Variants in VDAC3 observed in about 807,000 individuals in gnomAD.
VDAC3 encodes voltage dependent anion channel 3, also known as non-selective voltage-gated ion channel VDAC3.
In VDAC3, 7 loss-of-function variants were observed where a neutral mutation model predicts 33.9. The ratio of observed to expected loss-of-function variants is 0.21; its 90% CI spans 0.12 to 0.39. The LOEUF (loss-of-function observed/expected upper bound fraction) is 0.39, where lower values mean the gene tolerates loss of function less well. Ranked by LOEUF, VDAC3 falls within the 10% of genes least tolerant of loss-of-function variation. VDAC3 has a pLI of 1.00. For synonymous variants in VDAC3, 100 were observed against 122.4 expected (o/e 0.82, Z 1.21); for missense variants, 261 against 334.5 (o/e 0.78, Z 1.71).
chr8:42,392,981 C>T (rs1824896112), intron 1 of VDAC3, among the ~76,000 whole-genome samples: 1 of 152,170 alleles, frequency 6.6e-6, no homozygotes, highest in Non-Finnish European at 1.5e-5. Context: ...AATAATCGTT[C>T]TGTAAGTGAA....
intron 2 of VDAC3, 115 bp from the exon 3 acceptor site, chr8:42,394,095 A>C: frequency 1.1e-6 from 1 of 887,098 alleles, no homozygotes; most frequent in Non-Finnish European, 1.9e-6. Context: ...CATTAATGAT[A>C]CACAGGAAGA....
rs192832230 is a variant in VDAC3, at chr8:42,402,136, G to A, written c.551+121G>A. ...TGCCTTGGTGAATATCCATCCTTGC[G>A]GTGCTATCCTCATAGCAAAACCTTG... is the stretch of plus-strand genomic sequence containing the variant. On this transcript the variant is annotated intron_variant, in intron 7 of 9. Coordinates refer to ENST00000022615, the MANE Select transcript of VDAC3 (RefSeq NM_005662.7). 2.6e-4 allele frequency: 279 copies of A among 1,084,216 alleles called. No homozygotes were observed. The African/African-American group carries it at 3.3e-3, about 13-fold the overall frequency. The allele number at this position is 1,084,216 out of a possible 1,614,324, so 67.2% of individuals were successfully genotyped here. A position where few individuals can be genotyped will look rare whatever the true frequency, so the allele number is the denominator to read the frequency against.
intron 1 of VDAC3, among the ~76,000 whole-genome samples, chr8:42,393,429 A>G (rs1802245385): frequency 6.6e-6 from 1 of 152,218 alleles, no homozygotes; most frequent in Non-Finnish European, 1.5e-5. Flanking sequence ...TGCTGCAGAA[A>G]GATTTCCCAT....
intron 1 of VDAC3, among the ~76,000 whole-genome samples, chr8:42,392,556 T>G (rs1036579448): frequency 3.5e-4 from 53 of 152,336 alleles, no homozygotes; most frequent in African/African-American, 1.1e-3. Context: ...AGCAGTGCAT[T>G]TCCCATCAGA....
rs1251772501 is a variant in VDAC3, at chr8:42,395,288, A to G, written c.117+155A>G. Reference sequence around the variant, plus strand: ...TAAACAGCATTCTTAGCCAATTAAAATAAACAACCAAGTTGAATTTTTGAA... The same window carrying G: ...TAAACAGCATTCTTAGCCAATTAAAGTAAACAACCAAGTTGAATTTTTGAA... On this transcript the variant is annotated intron_variant, in intron 4 of 9. Transcript: ENST00000022615. 5.6e-6 allele frequency: 4 copies of G among 713,600 alleles called. No homozygotes were observed. The Admixed American group carries it at 2.5e-4, about 45-fold the overall frequency. 44.2% of individuals were successfully genotyped at this position (713,600 alleles called of 1,614,324 possible).
chr8:42,398,362 GACT>G (rs1009570390), intron 4 of VDAC3, among the ~76,000 whole-genome samples: 23 of 152,158 alleles, frequency 1.5e-4, no homozygotes, highest in African/African-American at 5.6e-4. Flanking sequence ...CTCAGGCTGG[GACT>G]ACAGTCACGT....
Position 42,405,585 on chromosome 8 carries a change from T to C in VDAC3, c.*123T>C. 1 of 809,544 alleles carries C rather than the reference T, an allele frequency of 1.2e-6. No individual in the cohort carries two copies. The highest frequency in any genetic ancestry group is 1.7e-5 in the South Asian group (1 of 58,254). 50.1% of individuals were successfully genotyped at this position (809,544 alleles called of 1,614,324 possible). On this transcript the variant is annotated 3_prime_UTR_variant, in exon 10 of 10. Transcript: ENST00000022615. ...GTGAACTTTTTATTCTTCCAAAGAA[T>C]TGTAATCCTCCCCACACTGAAGTCT...
rs557222479 is a variant in VDAC3, at chr8:42,404,952, G to C, written c.760+28G>C. On this transcript the variant is annotated intron_variant, in intron 9 of 9. Coordinates refer to ENST00000022615, the MANE Select transcript of VDAC3 (RefSeq NM_005662.7). ...AAGTAAAGGAATTAGTAACAGAGGG[G>C]TTGAGGTGGAAGGTGATAGAGAAAA... 1.2e-5 allele frequency: 19 copies of C among 1,602,058 alleles called. No homozygotes were observed. In the East Asian group the frequency reaches 4.0e-4, roughly 34 times the overall value.
Position 42,404,959 on chromosome 8 carries a change from T to G in VDAC3, c.760+35T>G, listed in dbSNP as rs773329554. On this transcript the variant is annotated intron_variant, in intron 9 of 9. Transcript: ENST00000022615. The stretch of plus-strand genomic sequence containing the variant: ...GGAATTAGTAACAGAGGGGTTGAGG[T>G]GGAAGGTGATAGAGAAAACAATGAA... 2.5e-6 allele frequency: 4 copies of G among 1,586,546 alleles called. No homozygotes were observed. In the South Asian group the frequency reaches 4.4e-5, roughly 18 times the overall value.
intron 8 of VDAC3, 68 bp downstream of exon 8, chr8:42,403,529 T>G (rs1802451744): frequency 6.9e-7 from 1 of 1,439,958 alleles, no homozygotes; most frequent in African/African-American, 1.4e-5. Flanking sequence ...AATGTTGTGA[T>G]ATGAGTGTAG....
At chr8:42,396,001 T>C (rs1252765971) in intron 4 of VDAC3, among the ~76,000 whole-genome samples, 1 of 149,560 alleles carries the variant, frequency 6.7e-6, no homozygotes. Flanking sequence ...CTCACGCCTG[T>C]GATCCCAGCA....
chr8:42,398,550 A>T (rs1220810021), intron 4 of VDAC3, among the ~76,000 whole-genome samples, 162 bp from the exon 5 acceptor site: 4 of 152,086 alleles, frequency 2.6e-5, no homozygotes, highest in Admixed American at 2.6e-4. Context: ...ATATTTAGGG[A>T]CTGGAAAAGC....
chr8:42,395,220 C>T lies in VDAC3; in HGVS notation c.117+87C>T. On this transcript the variant is annotated intron_variant, in intron 4 of 9. Coordinates refer to ENST00000022615, the MANE Select transcript of VDAC3 (RefSeq NM_005662.7). ...ATCATGACAGTCTAGTTACTTGAACCAGCACCATGCTGTCTTCCCCACAGC... is the reference window on the plus strand; with the variant it reads ...ATCATGACAGTCTAGTTACTTGAACTAGCACCATGCTGTCTTCCCCACAGC... 7.0e-6 allele frequency: 11 copies of T among 1,563,716 alleles called. No individual in the cohort carries two copies. In the South Asian group the frequency reaches 1.1e-4, roughly 16 times the overall value.
At chr8:42,399,759 G>A (rs1244804361) in intron 6 of VDAC3, 56 bp downstream of exon 6, 1 of 1,536,150 alleles carries the variant, frequency 6.5e-7, no homozygotes. Flanking sequence ...AGGGTAGAGA[G>A]CTTTAGAATA....
chr8:42,402,022 GTTTATAA>G lies in VDAC3; in HGVS notation c.551+13_551+19del. ...TCCAGCTGCACACACATGTGTGAGT[GTTTATAA>G]TTTATTCCTTAGTATCAGTGCAGTT... On this transcript the variant is annotated splice_region_variant and intron_variant, in intron 7 of 9. Coordinates refer to ENST00000022615, the MANE Select transcript of VDAC3 (RefSeq NM_005662.7). 6.2e-7 allele frequency: 1 copy of G among 1,613,502 alleles called. No individual in the cohort carries two copies. Among genetic ancestry groups the G allele is most frequent in the Non-Finnish European group, 8.5e-7 (1 of 1,179,526 alleles).
chr8:42,397,342 T>G, intron 4 of VDAC3: 1 of 152,252 alleles, frequency 6.6e-6, no homozygotes, highest in East Asian at 1.9e-4. Context: ...TCTGTGTGGT[T>G]TGATAAACAG....
rs1802420489 is a variant in VDAC3, at chr8:42,401,848, T to C, written c.384T>C (p.Asn128=). The part of the protein sequence containing the change: ...YKRDCFSVGS[N]VDIDFSGPTI... ...GGGATTGTTTTAGTGTTGGCAGTAA[T>C]GTTGATATAGATTTTTCTGGACCAA... Residue 128 remains asparagine, a synonymous_variant, in exon 7 of 10, where the codon AAT becomes AAC. Transcript: ENST00000022615. 6.2e-7 allele frequency: 1 copy of C among 1,614,072 alleles called. No homozygotes were observed. The highest frequency in any genetic ancestry group is 1.3e-5 in the African/African-American group (1 of 74,918).
chr8:42,398,744 T>A lies in VDAC3; in HGVS notation c.150T>A (p.Asp50Glu). 1 of 1,613,924 alleles carries A rather than the reference T, an allele frequency of 6.2e-7. No individual in the cohort carries two copies. Among genetic ancestry groups the A allele is most frequent in the Non-Finnish European group, 8.5e-7 (1 of 1,179,988 alleles). ...EFSTSGHAYT[D>E]TGKASGNLET... ...CTACTTCTGGTCATGCTTACACTGA[T>A]ACAGGGAAAGCATCAGGCAACCTAG... Residue 50 changes from aspartate to glutamate, a missense_variant, in exon 5 of 10, where the codon GAT (aspartate) becomes GAA (glutamate). Physicochemically the swap from Asp to Glu is conservative, Grantham distance 45. Coordinates refer to ENST00000022615, the MANE Select transcript of VDAC3 (RefSeq NM_005662.7).
rs890242772 is a variant in VDAC3, at chr8:42,393,839, A to T, written c.-42-6A>T. On this transcript the variant is annotated splice_region_variant and splice_polypyrimidine_tract_variant and intron_variant, in intron 1 of 9. Coordinates refer to ENST00000022615, the MANE Select transcript of VDAC3 (RefSeq NM_005662.7). ...CTTTAAAAATTTCCATTGTTGTCTT[A>T]TACAGGTCTTTGGTTTCATAAGAGC... 2.4e-6 allele frequency: 1 copy of T among 419,302 alleles called. No individual in the cohort carries two copies. Among genetic ancestry groups the T allele is most frequent in the Non-Finnish European group, 4.2e-6 (1 of 237,202 alleles). 26.0% of individuals were successfully genotyped at this position (419,302 alleles called of 1,614,324 possible).
Sources: gnomAD v4.1 joint callset for allele counts (sites outside exome capture counted in the v4.1 genomes callset) on GRCh38, gnomAD v4.1.1 for gene constraint, MANE v1.5 for transcripts, NCBI Gene and HGNC (gene_info 2026-07-23, HGNC 2026-07-21) for gene names.